Variants in XRCC4 observed in about 807,000 individuals in gnomAD.
The protein encoded by XRCC4 is DNA repair protein XRCC4.
XRCC4 carries 28 observed loss-of-function variants against 39.1 expected under a neutral mutation model. The observed-to-expected ratio is 0.72, with a 90% confidence interval of 0.53 to 0.98. The LOEUF (loss-of-function observed/expected upper bound fraction) is 0.98. Ranked by LOEUF, XRCC4 falls within the 50% of genes least tolerant of loss-of-function variation. XRCC4 has a pLI of 0.00. For synonymous variants in XRCC4, 123 were observed against 126.4 expected (o/e 0.97, Z 0.18); for missense variants, 350 against 376.4 (o/e 0.93, Z 0.58).
At chr5:83,258,929 T>C (rs984795976) in intron 7 of XRCC4, 2 of 395,436 alleles carry the variant, frequency 5.1e-6, no homozygotes, top group Non-Finnish European at 9.0e-6. Context: ...TAATTAGAAA[T>C]GGCATGTAGG....
At chr5:83,118,920 TAAAG>T (rs1478676557) in intron 3 of XRCC4, among the ~76,000 whole-genome samples, 3 of 152,222 alleles carry the variant, frequency 2.0e-5, no homozygotes, top group Non-Finnish European at 4.4e-5. Context: ...TGTTACAACA[TAAAG>T]TAAGTATACT....
intron 7 of XRCC4, among the ~76,000 whole-genome samples, chr5:83,299,704 A>G (rs1265115816): frequency 6.6e-6 from 1 of 152,136 alleles, no homozygotes; most frequent in Non-Finnish European, 1.5e-5. Context: ...TCCATTTTGA[A>G]TTTCAAGTAT....
chr5:83,154,489 T>C (rs1319025885), intron 3 of XRCC4, among the ~76,000 whole-genome samples: 1 of 152,200 alleles, frequency 6.6e-6, no homozygotes, highest in Non-Finnish European at 1.5e-5. Context: ...GAAGCACTTC[T>C]GGTCCCAAGC....
At chr5:83,131,512 T>C (rs1337080234) in intron 3 of XRCC4, among the ~76,000 whole-genome samples, 2 of 152,200 alleles carry the variant, frequency 1.3e-5, no homozygotes, top group Non-Finnish European at 2.9e-5. Flanking sequence ...TGTGGGAATC[T>C]AAGTCTCTTT....
At chr5:83,181,290 ACT>A (rs1750194981) in intron 3 of XRCC4, among the ~76,000 whole-genome samples, 2 of 151,840 alleles carry the variant, frequency 1.3e-5, no homozygotes, top group East Asian at 3.9e-4. Flanking sequence ...TTTTATTATG[ACT>A]CTTTAAATAT....
chr5:83,151,766 G>A (rs746051141), intron 3 of XRCC4, among the ~76,000 whole-genome samples: 2 of 152,156 alleles, frequency 1.3e-5, no homozygotes, highest in South Asian at 4.1e-4. Flanking sequence ...ACCACTAAGA[G>A]TTTGAAACTG....
At chr5:83,325,654 G>A (rs1053856290) in intron 7 of XRCC4, among the ~76,000 whole-genome samples, 28 of 151,956 alleles carry the variant, frequency 1.8e-4, no homozygotes, top group East Asian at 7.7e-4. Context: ...TCTTTTTTGC[G>A]ACTGCATAGT....
intron 3 of XRCC4, among the ~76,000 whole-genome samples, chr5:83,177,185 T>G (rs566583569): frequency 1.7e-4 from 26 of 152,258 alleles, no homozygotes; most frequent in Admixed American, 3.9e-4. Context: ...TTTTGTTCCT[T>G]TATTTTGAAA....
intron 7 of XRCC4, among the ~76,000 whole-genome samples, chr5:83,320,721 A>T (rs1453757107): frequency 2.0e-5 from 3 of 152,090 alleles, no homozygotes; most frequent in Non-Finnish European, 2.9e-5. Context: ...ACCCTGCACC[A>T]GCAAAAAAGG....
At chr5:83,134,710 G>A (rs752848613) in intron 3 of XRCC4, among the ~76,000 whole-genome samples, 8 of 152,182 alleles carry the variant, frequency 5.3e-5, no homozygotes, top group Non-Finnish European at 1.0e-4. Context: ...GCGTGTTGTG[G>A]AAGCTTTGTT....
At chr5:83,258,781 T>A (rs1381348410) in intron 7 of XRCC4, 104 bp downstream of exon 7, 5 of 1,294,390 alleles carry the variant, frequency 3.9e-6, no homozygotes, top group Non-Finnish European at 5.3e-6. Context: ...TAAAGTTATT[T>A]TTAAGAAAAT....
chr5:83,346,295 T>C (rs909347799), intron 7 of XRCC4, among the ~76,000 whole-genome samples: 2 of 152,152 alleles, frequency 1.3e-5, no homozygotes, highest in Non-Finnish European at 2.9e-5. Flanking sequence ...AGATCACTTA[T>C]AATAACCTCA....
At chr5:83,126,572 A>C (rs1009472590) in intron 3 of XRCC4, among the ~76,000 whole-genome samples, 3 of 152,154 alleles carry the variant, frequency 2.0e-5, no homozygotes, top group African/African-American at 7.2e-5. Flanking sequence ...AGCCCCCACA[A>C]AGTCAATGCC....
intron 6 of XRCC4, among the ~76,000 whole-genome samples, chr5:83,236,912 T>C (rs1032074302): frequency 6.6e-6 from 1 of 151,546 alleles, no homozygotes; most frequent in Non-Finnish European, 1.5e-5. Context: ...AAGATCTGAA[T>C]AGCAATTTCT....
chr5:83,232,949 C>T (rs965489951), intron 6 of XRCC4, among the ~76,000 whole-genome samples: 7 of 152,276 alleles, frequency 4.6e-5, no homozygotes, highest in Admixed American at 4.6e-4. Context: ...AGCCATACTT[C>T]GAACCCATTT....
chr5:83,287,329 A>C (rs1189566081), intron 7 of XRCC4, among the ~76,000 whole-genome samples: 1 of 151,928 alleles, frequency 6.6e-6, no homozygotes, highest in African/African-American at 2.4e-5. Flanking sequence ...CTTGGTTTAC[A>C]AACAATCTAA....
At chr5:83,170,568 T>A (rs1055049478) in intron 3 of XRCC4, among the ~76,000 whole-genome samples, 2 of 152,148 alleles carry the variant, frequency 1.3e-5, no homozygotes, top group Non-Finnish European at 2.9e-5. Context: ...CCTTGCTGCC[T>A]CTTAGCTAAC....
At chr5:83,152,591 C>T (rs1179018466) in intron 3 of XRCC4, among the ~76,000 whole-genome samples, 2 of 147,674 alleles carry the variant, frequency 1.4e-5, no homozygotes, top group East Asian at 2.0e-4. Flanking sequence ...CAAGATTGTG[C>T]CACTGCACTC....
chr5:83,303,804 G>A (rs1336866623), intron 7 of XRCC4, among the ~76,000 whole-genome samples: 2 of 152,124 alleles, frequency 1.3e-5, no homozygotes, highest in Non-Finnish European at 2.9e-5. Flanking sequence ...CCAAATGAGT[G>A]TAATTTCTAG....
Sources: gnomAD v4.1 joint callset for allele counts (sites outside exome capture counted in the v4.1 genomes callset) on GRCh38, gnomAD v4.1.1 for gene constraint, MANE v1.5 for transcripts, NCBI Gene and HGNC (gene_info 2026-07-23, HGNC 2026-07-21) for gene names.